Variants in NLRP3 observed in about 807,000 individuals in gnomAD.
The protein encoded by NLRP3 is NLR family pyrin domain containing 3.
A neutral mutation model predicts 91.3 loss-of-function variants in NLRP3; 48 were observed. That is an observed-to-expected ratio of 0.53 (90% CI 0.42 to 0.67). The LOEUF is 0.67. NLRP3 is among the 30% of genes least tolerant of loss of function. The pLI, the probability that NLRP3 is intolerant of heterozygous loss-of-function variation, is 0.00. For synonymous variants in NLRP3, 561 were observed against 507.9 expected (o/e 1.10, Z -1.41); for missense variants, 982 against 1,276.9 (o/e 0.77, Z 3.52).
At chr1:247,428,885 A>ATTTTTT (rs71568613) in intron 4 of NLRP3, among the ~76,000 whole-genome samples, 1 of 118,234 alleles carries the variant, frequency 8.5e-6, no homozygotes, top group Non-Finnish European at 1.9e-5. Flanking sequence ...TGGGCTTGCG[A>ATTTTTT]TTTTCTTTTT....
In NLRP3 at chr1:247,423,363, G is replaced by A. The variant is rs533932308; in HGVS notation, c.397+14G>A. The A allele has an allele frequency of 6.2e-7, 1 of 1,613,692 alleles. No individual in the cohort carries two copies. Among genetic ancestry groups the A allele is most frequent in the Admixed American group, 1.7e-5 (1 of 59,978 alleles). ...AAATGAAGAAAGGTAAGCGACTGGG[G>A]TGGTGCTTCTAGTTGAGTTTTAAGA... On this transcript the variant is annotated intron_variant, in intron 3 of 9. Coordinates refer to ENST00000336119, the MANE Select transcript of NLRP3 (RefSeq NM_001243133.2).
rs61841179 is a variant in NLRP3 at position 247,424,566 on chromosome 1, G to A, written c.1117G>A (p.Glu373Lys). The change falls in exon 4 of 10, where the codon GAG (glutamate) becomes AAG (lysine). Residue 373 changes from glutamate (E) to lysine (K), a missense_variant. Physicochemically the swap from Glu to Lys is moderately conservative, Grantham distance 56. This residue lies in a region of NLRP3 where 548 missense variants were observed against 713.7 expected (regional missense o/e 0.77). Transcript: ENST00000336119. This position sits in a 1 kb window ranked among gnomAD's most constrained non-coding sequence, Gnocchi z 8.1. ...GCATGTGGAGATCCTGGGTTTCTCC[G>A]AGGCCAAAAGGAAAGAGTACTTCTT... ...PRHVEILGFS[E>K]AKRKEYFFKY... The A allele has an allele frequency of 6.2e-6, 10 of 1,614,056 alleles. No homozygotes were observed. Among genetic ancestry groups the A allele is most frequent in the Non-Finnish European group, 8.5e-6 (10 of 1,180,044 alleles).
chr1:247,432,917 A>G (rs1319954814), intron 5 of NLRP3, among the ~76,000 whole-genome samples: 1 of 151,862 alleles, frequency 6.6e-6, no homozygotes, highest in East Asian at 1.9e-4. Context: ...CTGCAGCGGG[A>G]TGTGGAATCC....
At chr1:247,445,300 A>C (rs930815398) in intron 9 of NLRP3, among the ~76,000 whole-genome samples, 1 of 151,860 alleles carries the variant, frequency 6.6e-6, no homozygotes, top group Non-Finnish European at 1.5e-5. Flanking sequence ...TCCCGGGTTC[A>C]CGCCATTCTC....
chr1:247,435,860 C>G (rs753500254), intron 6 of NLRP3, 110 bp from the exon 7 acceptor site: 29 of 1,008,234 alleles, frequency 2.9e-5, no homozygotes, highest in Non-Finnish European at 4.4e-5. Context: ...GTGTCCACTC[C>G]CTTTCCATGT....
chr1:247,424,925 G>A lies in NLRP3; in HGVS notation c.1476G>A (p.Leu492=). Residue 492 remains leucine, a synonymous_variant, in exon 4 of 10, where the codon CTG becomes CTA. Coordinates refer to ENST00000336119, the MANE Select transcript of NLRP3 (RefSeq NM_001243133.2). This position sits in a 1 kb window ranked among gnomAD's most constrained non-coding sequence, Gnocchi z 8.1. ...AGTCCGACCTCAGGAATCATGGACT[G>A]CAGAAGGCGGATGTGTCTGCTTTCC... ...FEESDLRNHG[L]QKADVSAFLR... The A allele has an allele frequency of 4.3e-6, 7 of 1,613,232 alleles. No homozygotes were observed. The highest frequency in any genetic ancestry group is 5.9e-6 in the Non-Finnish European group (7 of 1,180,034).
rs761316425 is a variant in NLRP3 at position 247,424,828 on chromosome 1, T to C, written c.1379T>C (p.Leu460Pro). The change falls in exon 4 of 10, where the codon CTC becomes CCC. Residue 460 changes from leucine (L) to proline (P), a missense_variant. Around this residue, in one of 5 missense-constraint regions of NLRP3, gnomAD observed 548 missense variants for 713.7 expected, o/e 0.77. Transcript: ENST00000336119. The surrounding 1 kb of genome is among the most constrained non-coding windows in gnomAD (Gnocchi z 8.1). ...CGGGGAGGGAGCCAGGAGCACGGCCTCTGCGCCCACCTCTGGGGGCTCTGC... is the reference window on the plus strand; with the variant it reads ...CGGGGAGGGAGCCAGGAGCACGGCCCCTGCGCCCACCTCTGGGGGCTCTGC... ...QPRGGSQEHG[L>P]CAHLWGLCSL... 6.2e-7 allele frequency: 1 copy of C among 1,608,102 alleles called. No homozygotes were observed. The highest frequency in any genetic ancestry group is 8.5e-7 in the Non-Finnish European group (1 of 1,180,000).
chr1:247,447,518 G>A (rs184460429), intron 9 of NLRP3, among the ~76,000 whole-genome samples: 1 of 152,314 alleles, frequency 6.6e-6, no homozygotes, highest in East Asian at 1.9e-4. Context: ...AAATGGTGCA[G>A]GACAAATGGG....
At chr1:247,438,382 T>G (rs1020590338) in intron 7 of NLRP3, among the ~76,000 whole-genome samples, 1 of 125,428 alleles carries the variant, frequency 8.0e-6, no homozygotes, top group Non-Finnish European at 1.6e-5. Context: ...AGTTGTGTTT[T>G]TTTTTTTTTT....
intron 5 of NLRP3, among the ~76,000 whole-genome samples, chr1:247,433,815 G>A (rs188281315): frequency 9.6e-5 from 13 of 135,290 alleles, no homozygotes; most frequent in African/African-American, 3.6e-4. Flanking sequence ...GGTCAGGTGT[G>A]TCCTGATGCT....
intron 7 of NLRP3, among the ~76,000 whole-genome samples, chr1:247,439,453 C>T (rs1297347721): frequency 6.6e-6 from 1 of 152,160 alleles, no homozygotes; most frequent in East Asian, 1.9e-4. Context: ...CCTGTAGATG[C>T]CTCTGCCACA....
At chr1:247,434,649 G>A (rs563746303) in intron 6 of NLRP3, among the ~76,000 whole-genome samples, 3 of 152,272 alleles carry the variant, frequency 2.0e-5, no homozygotes, top group South Asian at 2.1e-4. Flanking sequence ...GCAGACCCTC[G>A]ATGTTGTATG....
At chr1:247,439,736 A>T (rs1197530463) in intron 7 of NLRP3, among the ~76,000 whole-genome samples, 4 of 152,190 alleles carry the variant, frequency 2.6e-5, no homozygotes, top group Non-Finnish European at 4.4e-5. Flanking sequence ...TTTTTCTGTG[A>T]TATCCTTTTT....
chr1:247,419,067 G>A lies in NLRP3; in HGVS notation c.267G>A (p.Glu89=), dbSNP rs1662258352. 1.9e-6 allele frequency: 3 copies of A among 1,610,676 alleles called. No homozygotes were observed. The highest frequency in any genetic ancestry group is 2.5e-6 in the Non-Finnish European group (3 of 1,179,970). The change falls in exon 2 of 10, where the codon GAG becomes GAA. Residue 89 remains glutamate, a synonymous_variant. Coordinates refer to ENST00000336119, the MANE Select transcript of NLRP3 (RefSeq NM_001243133.2). ...TTTATGAGAAAGCAAAAAGAGATGA[G>A]CCGAAGTGGGGTGAGTGGAAGGAAG... is the stretch of plus-strand genomic sequence containing the variant. ...RDLYEKAKRD[E]PKWGSDNARV...
At chr1:247,438,469 T>C (rs1281189293) in intron 7 of NLRP3, among the ~76,000 whole-genome samples, 3 of 146,200 alleles carry the variant, frequency 2.1e-5, no homozygotes, top group Non-Finnish European at 1.5e-5. Flanking sequence ...CTGCAACCTC[T>C]GCCTCCCGGG....
chr1:247,421,408 C>T (rs933219945), intron 2 of NLRP3, among the ~76,000 whole-genome samples: 2 of 152,132 alleles, frequency 1.3e-5, no homozygotes, highest in Non-Finnish European at 2.9e-5. Context: ...ATCGCTTGAG[C>T]CCAGGAGCTC....
At position 247,429,762 on chromosome 1, in the gene NLRP3, C is replaced by T; in HGVS notation, c.2321+7C>T. ...GTAACATTCGGAGATTGTGGTGAGTCCCCGTGCATGTGATCTGTGTGAGTG... is the reference window on the plus strand; with the variant it reads ...GTAACATTCGGAGATTGTGGTGAGTTCCCGTGCATGTGATCTGTGTGAGTG... On this transcript the variant is annotated splice_region_variant and intron_variant, in intron 5 of 9. Transcript: ENST00000336119. 2 of 1,613,246 alleles carry T rather than the reference C, an allele frequency of 1.2e-6. No individual in the cohort carries two copies. The highest frequency in any genetic ancestry group is 1.8e-4 in the Middle Eastern group (1 of 5,468).
Position 247,430,733 on chromosome 1 carries a change from T to C in NLRP3, c.2321+978T>C, listed in dbSNP as rs143463398. On this transcript the variant is annotated intron_variant, in intron 5 of 9. Transcript: ENST00000336119. ...TAGATGAGAGTTGGAGAATTTGCCATTTACAACAATGGCAACCTCACCTAA... is the reference window on the plus strand; with the variant it reads ...TAGATGAGAGTTGGAGAATTTGCCACTTACAACAATGGCAACCTCACCTAA... Among the ~76,000 whole-genome samples the C allele has an allele frequency of 4.6e-5, 7 of 152,208 alleles. No individual in the cohort carries two copies. The East Asian group carries it at 1.4e-3, about 29-fold the overall frequency.
chr1:247,443,451 A>C (rs1310254926), intron 7 of NLRP3, among the ~76,000 whole-genome samples: 1 of 152,036 alleles, frequency 6.6e-6, no homozygotes, highest in African/African-American at 2.4e-5. Flanking sequence ...TGTTCCTGTC[A>C]CAGCCCTAGC....
Sources: gnomAD v4.1 joint callset for allele counts (sites outside exome capture counted in the v4.1 genomes callset) on GRCh38, gnomAD v4.1.1 for gene constraint, gnomAD v4.1.1 regional missense constraint, Gnocchi (gnomAD v3.1) non-coding constraint, MANE v1.5 for transcripts, NCBI Gene and HGNC (gene_info 2026-07-23, HGNC 2026-07-21) for gene names.